The following EPAS1 variants were observed in gnomAD, a reference collection of about 807,000 sequenced individuals.
The protein encoded by EPAS1 is endothelial PAS domain protein 1.
In EPAS1, 23 loss-of-function variants were observed where a neutral mutation model predicts 87.9. The observed-to-expected ratio is 0.26, with a 90% CI of 0.19 to 0.37. The LOEUF (loss-of-function observed/expected upper bound fraction) is 0.37, where lower values mean the gene tolerates loss of function less well. Among genes scored for constraint, EPAS1 ranks in the 10% least tolerant of loss-of-function variants. The pLI is 1.00. For synonymous variants in EPAS1, 508 were observed against 444.3 expected, an observed-to-expected ratio of 1.14 and a Z score of -1.80; for missense variants, 1,138 against 1,120.7, an observed-to-expected ratio of 1.02 and a Z score of -0.22.
Position 46,320,340 on chromosome 2 carries a change from A to T in EPAS1, c.26+22403A>T, listed in dbSNP as rs113983880. 2.9e-3 allele frequency among the ~76,000 whole-genome samples: 447 copies of T among 152,286 alleles called. 4 individuals carry two copies. Among genetic ancestry groups the T allele is most frequent in the African/African-American group, 0.01 (420 of 41,560 alleles). ...TTAGGGAGTGCAAAGGGACAGTAAG[A>T]CTTAATTGGTCCTGGGAATTGTTGA... On this transcript the variant is annotated intron_variant, in intron 1 of 15. Coordinates refer to ENST00000263734, the MANE Select transcript of EPAS1 (RefSeq NM_001430.5).
At chr2:46,348,487 A>G (rs1684082828) in intron 2 of EPAS1, among the ~76,000 whole-genome samples, 1 of 152,254 alleles carries the variant, frequency 6.6e-6, no homozygotes, top group Non-Finnish European at 1.5e-5. Context: ...TTACATAAAA[A>G]GAGTAGACAG....
chr2:46,327,989 C>A (rs1390391277), intron 1 of EPAS1, among the ~76,000 whole-genome samples: 1 of 152,204 alleles, frequency 6.6e-6, no homozygotes, highest in Non-Finnish European at 1.5e-5. Context: ...GCTACACGTA[C>A]TCCCTCCCCA....
chr2:46,297,772 G>A lies in EPAS1; in HGVS notation c.-140G>A, dbSNP rs147597862. ...CGCGCGCCACCTTCCACCTGACTGC[G>A]CGGGGCGCTCGGGACCTGCGCGCAC... On this transcript the variant is annotated 5_prime_UTR_variant, in exon 1 of 16. Coordinates refer to ENST00000263734, the MANE Select transcript of EPAS1 (RefSeq NM_001430.5). 0.01 allele frequency: 12,333 copies of A among 1,186,674 alleles called. 97 individuals are homozygous for A. Among genetic ancestry groups the A allele is most frequent in the Middle Eastern group, 0.02 (75 of 3,700 alleles). 73.5% of individuals were successfully genotyped at this position (1,186,674 alleles called of 1,614,324 possible). A position where few individuals can be genotyped will look rare whatever the true frequency, so the allele number is the denominator to read the frequency against.
At chr2:46,332,876 TG>T (rs1404826751) in intron 1 of EPAS1, among the ~76,000 whole-genome samples, 1 of 151,912 alleles carries the variant, frequency 6.6e-6, no homozygotes, top group East Asian at 1.9e-4. Context: ...GTCGAGGAGG[TG>T]GGATCTGAGG....
rs1684888626 is a variant in EPAS1, at chr2:46,381,430, C to G, written c.2046-166C>G. Reference sequence around the variant, plus strand: ...TATAGCTGAGGAAGGAGACAGAGCTCGAGCTCGGCCTGCAGGTGCACAGCC... The same window carrying G: ...TATAGCTGAGGAAGGAGACAGAGCTGGAGCTCGGCCTGCAGGTGCACAGCC... On this transcript the variant is annotated intron_variant, in intron 12 of 15. Coordinates refer to ENST00000263734, the MANE Select transcript of EPAS1 (RefSeq NM_001430.5). The G allele has an allele frequency of 1.6e-5, 17 of 1,050,938 alleles. No individual in the cohort carries two copies. The South Asian group carries it at 2.2e-4, about 13-fold the overall frequency. 65.1% of individuals were successfully genotyped at this position (1,050,938 alleles called of 1,614,324 possible).
chr2:46,369,784 A>C (rs1558606115), intron 6 of EPAS1, 43 bp from the exon 7 acceptor site: 1 of 1,472,086 alleles, frequency 6.8e-7, no homozygotes, highest in Non-Finnish European at 9.5e-7. Flanking sequence ...TGCTAAGTTA[A>C]TATGGTCTTT....
chr2:46,318,169 G>A (rs1421026503), intron 1 of EPAS1, among the ~76,000 whole-genome samples: 9 of 109,764 alleles, frequency 8.2e-5, no homozygotes, highest in South Asian at 3.2e-4. Context: ...ATTGGGGAGG[G>A]GGAGAGAGAG....
chr2:46,356,603 T>A, intron 3 of EPAS1, 121 bp from the exon 4 acceptor site: 1 of 830,128 alleles, frequency 1.2e-6, no homozygotes, highest in Non-Finnish European at 2.1e-6. Flanking sequence ...GGACTGGGAT[T>A]ATGAGAAAAC....
intron 11 of EPAS1, among the ~76,000 whole-genome samples, chr2:46,379,310 G>C (rs903793114): frequency 1.3e-5 from 2 of 152,134 alleles, no homozygotes; most frequent in Admixed American, 1.3e-4. Context: ...AGGGGTACGT[G>C]TTTTACAAAA....
At chr2:46,382,848 C>T (rs1684932432) in intron 15 of EPAS1, among the ~76,000 whole-genome samples, 1 of 152,168 alleles carries the variant, frequency 6.6e-6, no homozygotes. Flanking sequence ...GGCTAGAATA[C>T]TGAAGGAAAG....
chr2:46,302,817 T>A (rs1210938314), intron 1 of EPAS1, among the ~76,000 whole-genome samples: 1 of 151,208 alleles, frequency 6.6e-6, no homozygotes, highest in African/African-American at 2.4e-5. Flanking sequence ...CTCATGCCTG[T>A]AATCCCAGCA....
Position 46,346,887 on chromosome 2 carries a change from G to C in EPAS1, c.41G>C (p.Arg14Thr). ...TCTCCACTTAGGAGTAGCTCGGAGA[G>C]GAGGAAGGAGAAGTCCCGGGATGCT... ...DKEKKRSSSE[R>T]RKEKSRDAAR... The change falls in exon 2 of 16, where the codon AGG (arginine) becomes ACG (threonine). Residue 14 changes from arginine (R) to threonine (T), a missense_variant. Physicochemically the swap from Arg to Thr is moderately conservative, Grantham distance 71. Around this residue, in one of 4 missense-constraint regions of EPAS1, gnomAD observed 351 missense variants for 417.1 expected, o/e 0.84. Transcript: ENST00000263734. This position sits in a 1 kb window ranked among gnomAD's most constrained non-coding sequence, Gnocchi z 4.0. 6.2e-7 allele frequency: 1 copy of C among 1,614,226 alleles called. No homozygotes were observed. Among genetic ancestry groups the C allele is most frequent in the East Asian group, 2.2e-5 (1 of 44,878 alleles).
At chr2:46,345,383 A>G (rs1255874055) in intron 1 of EPAS1, among the ~76,000 whole-genome samples, 4 of 152,194 alleles carry the variant, frequency 2.6e-5, no homozygotes, top group African/African-American at 9.6e-5. Flanking sequence ...CAAAAACCAA[A>G]AAAACTCCCT....
chr2:46,357,068 C>G (rs994003553), intron 4 of EPAS1, among the ~76,000 whole-genome samples: 6 of 152,208 alleles, frequency 3.9e-5, no homozygotes, highest in African/African-American at 1.4e-4. Flanking sequence ...GACACTGTCT[C>G]TAGGAGGTTT....
intron 6 of EPAS1, among the ~76,000 whole-genome samples, chr2:46,364,621 A>C (rs1469154238): frequency 6.6e-6 from 1 of 152,256 alleles, no homozygotes; most frequent in Non-Finnish European, 1.5e-5. Flanking sequence ...TTTTTAAAAT[A>C]GTAAATACTT....
At chr2:46,322,600 T>G (rs1683474462) in intron 1 of EPAS1, among the ~76,000 whole-genome samples, 1 of 152,218 alleles carries the variant, frequency 6.6e-6, no homozygotes, top group South Asian at 2.1e-4. Context: ...GACCACACTA[T>G]GAGAACCACT....
At chr2:46,305,470 G>A (rs536156411) in intron 1 of EPAS1, among the ~76,000 whole-genome samples, 34 of 151,966 alleles carry the variant, frequency 2.2e-4, no homozygotes, top group Non-Finnish European at 3.8e-4. Flanking sequence ...CCACTCCCCC[G>A]AACTTGGAAA....
intron 1 of EPAS1, among the ~76,000 whole-genome samples, chr2:46,312,835 T>C (rs1421744571): frequency 6.6e-6 from 1 of 152,184 alleles, no homozygotes; most frequent in African/African-American, 2.4e-5. Flanking sequence ...CCAGTTATGC[T>C]CCTTTCTACA....
intron 1 of EPAS1, among the ~76,000 whole-genome samples, chr2:46,302,294 CATTA>C (rs1683024501): frequency 6.6e-6 from 1 of 152,144 alleles, no homozygotes; most frequent in African/African-American, 2.4e-5. Context: ...TACTTGCTGT[CATTA>C]ATTGTCTTGA....
Sources: gnomAD v4.1 joint callset for allele counts (sites outside exome capture counted in the v4.1 genomes callset) on GRCh38, gnomAD v4.1.1 for gene constraint, gnomAD v4.1.1 regional missense constraint, Gnocchi (gnomAD v3.1) non-coding constraint, MANE v1.5 for transcripts, NCBI Gene and HGNC (gene_info 2026-07-23, HGNC 2026-07-21) for gene names.